PTCSC3: variants seen among roughly 807,000 people sequenced by gnomAD.
The protein encoded by PTCSC3 is papillary thyroid carcinoma susceptibility candidate 3, also known as papillary thyroid carcinoma susceptibility candidate 3 (non-protein coding).
At chr14:36,162,100 G>T (rs1881969083) in intron 2 of PTCSC3, among the ~76,000 whole-genome samples, 1 of 152,028 alleles carries the variant, frequency 6.6e-6, no homozygotes, top group Non-Finnish European at 1.5e-5. Flanking sequence ...AGACTGCTGT[G>T]CTGGCACTGA....
rs976482240 is a variant in PTCSC3 at position 36,165,734 on chromosome 14, T to C, written n.172-3051A>G. 2.7e-5 allele frequency among the ~76,000 whole-genome samples: 4 copies of C among 150,782 alleles called. No homozygotes were observed. The South Asian group carries it at 8.4e-4, about 32-fold the overall frequency. ...CTATTTATTTTTCCTTTTTTTTTTT[T>C]TTTTTTGTAGGAATTGGTGGTGTCT... On this transcript the variant is annotated intron_variant and non_coding_transcript_variant, in intron 1 of 3. Coordinates refer to ENST00000556013, the Ensembl canonical transcript of PTCSC3.
intron 3 of PTCSC3, among the ~76,000 whole-genome samples, chr14:36,149,749 C>T (rs529626036): frequency 5.6e-4 from 85 of 152,134 alleles, no homozygotes; most frequent in African/African-American, 2.1e-3. Context: ...CTTGATTCTG[C>T]TTTATCTGAA....
In PTCSC3 at chr14:36,164,870, T is replaced by A. The variant is rs1285641937; in HGVS notation, n.172-2187A>T. On this transcript the variant is annotated intron_variant and non_coding_transcript_variant, in intron 1 of 3. Coordinates refer to ENST00000556013, the Ensembl canonical transcript of PTCSC3. ...TTTGCTATATGTATCTTTGTAACAA[T>A]GTAATATATCTTTGTAACGGTGATA... Among the ~76,000 whole-genome samples the A allele has an allele frequency of 2.6e-5, 4 of 152,356 alleles. No individual in the cohort carries two copies. The East Asian group carries it at 7.7e-4, about 29-fold the overall frequency.
chr14:36,165,481 T>C (rs529602800), intron 1 of PTCSC3, among the ~76,000 whole-genome samples: 1 of 152,196 alleles, frequency 6.6e-6, no homozygotes, highest in Non-Finnish European at 1.5e-5. Flanking sequence ...CCTCATTTAT[T>C]TACCCCCAGC....
At chr14:36,174,658 G>C (rs768650684) in intron 1 of PTCSC3, among the ~76,000 whole-genome samples, 3 of 152,122 alleles carry the variant, frequency 2.0e-5, no homozygotes, top group Non-Finnish European at 2.9e-5. Flanking sequence ...TGCTAGTATA[G>C]ATCTGTGGAC....
intron 2 of PTCSC3, among the ~76,000 whole-genome samples, chr14:36,158,906 T>G (rs1478390156): frequency 6.6e-6 from 1 of 152,202 alleles, no homozygotes; most frequent in Non-Finnish European, 1.5e-5. Context: ...GTTGGTAGGC[T>G]ATTAATTACT....
At chr14:36,139,204 G>A (rs565891776) in intron 3 of PTCSC3, among the ~76,000 whole-genome samples, 13 of 150,988 alleles carry the variant, frequency 8.6e-5, no homozygotes, top group South Asian at 6.3e-4. Context: ...ATTAATAAGA[G>A]CCTTGAACTG....
chr14:36,158,322 G>A (rs1228073629), intron 2 of PTCSC3, among the ~76,000 whole-genome samples: 2 of 152,126 alleles, frequency 1.3e-5, no homozygotes, highest in Non-Finnish European at 1.5e-5. Context: ...GGGCATCCTT[G>A]TCTTGTGCTG....
At chr14:36,149,592 G>C (rs1212800437) in intron 3 of PTCSC3, among the ~76,000 whole-genome samples, 1 of 152,064 alleles carries the variant, frequency 6.6e-6, no homozygotes, top group Non-Finnish European at 1.5e-5. Context: ...TATAATTGTG[G>C]ATTCATCTAC....
chr14:36,157,361 C>A (rs1881852779), intron 2 of PTCSC3, among the ~76,000 whole-genome samples: 1 of 152,124 alleles, frequency 6.6e-6, no homozygotes, highest in African/African-American at 2.4e-5. Flanking sequence ...CCTGTTCACT[C>A]TGATGGTAGT....
At chr14:36,166,522 A>T (rs756364324) in intron 1 of PTCSC3, among the ~76,000 whole-genome samples, 1 of 152,180 alleles carries the variant, frequency 6.6e-6, no homozygotes, top group Non-Finnish European at 1.5e-5. Flanking sequence ...TGAAACATAT[A>T]CATACTCTTG....
intron 3 of PTCSC3, among the ~76,000 whole-genome samples, chr14:36,147,232 CTCCTGGATAATA>C (rs1418826143): frequency 6.6e-6 from 1 of 152,214 alleles, no homozygotes; most frequent in Admixed American, 6.5e-5. Flanking sequence ...TGGGGAAGTT[CTCCTGGATAATA>C]TCCTGCAGCA....
intron 1 of PTCSC3, among the ~76,000 whole-genome samples, chr14:36,175,729 T>G (rs1040761363): frequency 2.0e-5 from 3 of 152,232 alleles, no homozygotes; most frequent in Admixed American, 2.0e-4. Context: ...ACAGCTATAT[T>G]TAACTTGTCT....
At chr14:36,165,946 G>C (rs1182929) in intron 1 of PTCSC3, among the ~76,000 whole-genome samples, 3 of 151,876 alleles carry the variant, frequency 2.0e-5, no homozygotes, top group South Asian at 2.1e-4. Flanking sequence ...AAAGCTGTCA[G>C]TGAACAGGAT....
intron 3 of PTCSC3, among the ~76,000 whole-genome samples, chr14:36,139,747 T>C (rs10147735): frequency 0.64 from 98,078 of 152,070 alleles, 32,355 homozygotes; most frequent in Non-Finnish European, 0.72. Flanking sequence ...CTATATATCC[T>C]CCCTTCCCCA....
At chr14:36,161,029 A>T (rs538148751) in intron 2 of PTCSC3, among the ~76,000 whole-genome samples, 2 of 152,196 alleles carry the variant, frequency 1.3e-5, no homozygotes, top group Admixed American at 6.5e-5. Context: ...ATACTTGTGT[A>T]TGCTTCATGA....
intron 3 of PTCSC3, among the ~76,000 whole-genome samples, chr14:36,141,542 G>A (rs1033224755): frequency 1.5e-4 from 23 of 151,870 alleles, no homozygotes; most frequent in Admixed American, 6.6e-5. Flanking sequence ...TAGTAGAGAC[G>A]GGGTTTCACC....
At chr14:36,136,041 A>G (rs12890957), downstream of PTCSC3, 94,412 of 151,964 alleles carry the variant, frequency 0.62, 31,075 homozygotes, top group Non-Finnish European at 0.72. Context: ...CAAAACTGAA[A>G]AACTTGGAGT....
rs1881769193 is a variant in PTCSC3, at chr14:36,153,614, G to T, written n.322+190C>A. On this transcript the variant is annotated intron_variant and non_coding_transcript_variant, in intron 3 of 3. Transcript: ENST00000556013. ...TTTGACCCCCAAAATTCACTTCTAG[G>T]TTTACACCCAACAGAAACGCATCTA... 3.9e-5 allele frequency among the ~76,000 whole-genome samples: 6 copies of T among 152,158 alleles called. No homozygotes were observed. In the South Asian group the frequency reaches 1.2e-3, roughly 32 times the overall value.
Sources: gnomAD v4.1 joint callset for allele counts (sites outside exome capture counted in the v4.1 genomes callset) on GRCh38, gnomAD v4.1.1 for gene constraint, MANE v1.5 for transcripts, NCBI Gene and HGNC (gene_info 2026-07-23, HGNC 2026-07-21) for gene names.